NOS1AP: variants seen among roughly 807,000 people sequenced by gnomAD.
NOS1AP encodes the protein carboxyl-terminal PDZ ligand of neuronal nitric oxide synthase protein.
In NOS1AP, 21 loss-of-function variants were observed where a neutral mutation model predicts 56.2. That is an observed-to-expected ratio of 0.37 (90% CI 0.26 to 0.54). The LOEUF (loss-of-function observed/expected upper bound fraction) is 0.54, where lower values mean the gene tolerates loss of function less well. NOS1AP is among the 20% of genes least tolerant of loss of function. The pLI is 0.84. For synonymous variants in NOS1AP, 270 were observed against 274.6 expected, an observed-to-expected ratio of 0.98 and a Z score of 0.17; for missense variants, 522 against 657.8, an observed-to-expected ratio of 0.79 and a Z score of 2.26.
chr1:162,081,774 A>ATATATATATATATTTT, intron 1 of NOS1AP, among the ~76,000 whole-genome samples: 57 of 44,046 alleles, frequency 1.3e-3, no homozygotes, highest in African/African-American at 4.1e-3. Flanking sequence ...ATATATATAT[A>ATATATATATATATTTT]TTTTTTTTTT....
chr1:162,287,010 G>A (rs1310556058), intron 2 of NOS1AP, among the ~76,000 whole-genome samples: 1 of 152,204 alleles, frequency 6.6e-6, no homozygotes, highest in Non-Finnish European at 1.5e-5. Flanking sequence ...AGGAATACTT[G>A]CCTGACCGTG....
At chr1:162,163,241 G>T (rs1311842185) in intron 2 of NOS1AP, among the ~76,000 whole-genome samples, 1 of 151,878 alleles carries the variant, frequency 6.6e-6, no homozygotes, top group Non-Finnish European at 1.5e-5. Context: ...TTTAAAAGGG[G>T]CCCAGACTTT....
chr1:162,226,746 C>T (rs1253730565), intron 2 of NOS1AP, among the ~76,000 whole-genome samples: 5 of 152,176 alleles, frequency 3.3e-5, no homozygotes, highest in South Asian at 2.1e-4. Context: ...GTATGTCTTC[C>T]TAAGCTCTGC....
intron 2 of NOS1AP, among the ~76,000 whole-genome samples, chr1:162,255,490 ATTTTTTTTTT>A (rs35637289): frequency 0.016 from 985 of 61,110 alleles, 47 homozygotes; most frequent in South Asian, 0.042. Flanking sequence ...GCTGCTGCTG[ATTTTTTTTTT>A]TTTTTTTTTT....
chr1:162,091,259 C>T lies in NOS1AP; in HGVS notation c.105+20977C>T, dbSNP rs576043666. Among the ~76,000 whole-genome samples, 224 of 152,246 alleles carry T rather than the reference C, an allele frequency of 1.5e-3. 6 individuals carry two copies. Among genetic ancestry groups the T allele is most frequent in the South Asian group, 0.01 (49 of 4,814 alleles). On this transcript the variant is annotated intron_variant, in intron 1 of 9. Coordinates refer to ENST00000361897, the MANE Select transcript of NOS1AP (RefSeq NM_014697.3). ...TAGTGGCTTGAGTGCTCCAGCCCTTCGAACCTCCTGTGGGTCCCCTGTTGT... is the reference window on the plus strand; with the variant it reads ...TAGTGGCTTGAGTGCTCCAGCCCTTTGAACCTCCTGTGGGTCCCCTGTTGT...
intron 4 of NOS1AP, among the ~76,000 whole-genome samples, chr1:162,320,538 C>T (rs188747087): frequency 2.4e-4 from 36 of 152,202 alleles, no homozygotes; most frequent in African/African-American, 8.2e-4. Context: ...CCCACATTGC[C>T]AAAAGAAAGA....
At chr1:162,120,273 T>C (rs1648154999) in intron 1 of NOS1AP, among the ~76,000 whole-genome samples, 1 of 152,194 alleles carries the variant, frequency 6.6e-6, no homozygotes, top group Non-Finnish European at 1.5e-5. Flanking sequence ...CAATTTTATT[T>C]ATAATAATGA....
At chr1:162,284,324 A>T (rs1655025210) in intron 2 of NOS1AP, among the ~76,000 whole-genome samples, 1 of 152,126 alleles carries the variant, frequency 6.6e-6, no homozygotes, top group African/African-American at 2.4e-5. Context: ...GTTAATTTTA[A>T]TTTTTCTATT....
intron 2 of NOS1AP, among the ~76,000 whole-genome samples, chr1:162,164,529 G>A (rs115648726): frequency 0.034 from 5,129 of 152,054 alleles, 124 homozygotes; most frequent in Non-Finnish European, 0.049. Flanking sequence ...CTGTTTTCCC[G>A]TAGCCCTTGG....
At chr1:162,196,079 G>A (rs75263466) in intron 2 of NOS1AP, among the ~76,000 whole-genome samples, 201 of 152,348 alleles carry the variant, frequency 1.3e-3, no homozygotes, top group Non-Finnish European at 2.2e-3. Context: ...GAATGTGGGG[G>A]TTAAAGAACA....
chr1:162,110,309 T>TTTTTTTTTTTTTTTTTTG lies in NOS1AP; in HGVS notation c.105+40027_105+40028insTTTTTTTTTTTTTTTTTG, dbSNP rs1260546729. Among the ~76,000 whole-genome samples the TTTTTTTTTTTTTTTTTTG allele has an allele frequency of 4.6e-5, 7 of 151,362 alleles. No individual in the cohort carries two copies. The East Asian group carries it at 1.2e-3, about 25-fold the overall frequency. On this transcript the variant is annotated intron_variant, in intron 1 of 9. Transcript: ENST00000361897. The stretch of plus-strand genomic sequence containing the variant: ...ACATGTTCACCAGCCAAATAACTTT[T>TTTTTTTTTTTTTTTTTTG]AACATGCCCAAGGAAATGAACACAG...
intron 9 of NOS1AP, 166 bp from the exon 10 acceptor site, chr1:162,366,886 G>T (rs568373266): frequency 1.2e-5 from 9 of 763,474 alleles, no homozygotes; most frequent in Non-Finnish European, 1.2e-5. Context: ...GAGCTATGTG[G>T]GGGCGGGAGG....
chr1:162,343,926 G>T lies in NOS1AP; in HGVS notation c.545G>T (p.Gly182Val). The change falls in exon 6 of 10, where the codon GGC becomes GTC. Residue 182 changes from glycine to valine, a missense_variant. Physicochemically the swap from Gly to Val is moderately radical, Grantham distance 109. Transcript: ENST00000361897. ...SLQHTQQNADGQEDGESERNS... is the reference protein window; with the variant it reads ...SLQHTQQNADVQEDGESERNS... ...CAGCACACGCAGCAGAATGCAGATGGCCAGGAAGATGGAGAGAGCGAGAGG... is the reference window on the plus strand; with the variant it reads ...CAGCACACGCAGCAGAATGCAGATGTCCAGGAAGATGGAGAGAGCGAGAGG... 6.2e-7 allele frequency: 1 copy of T among 1,614,154 alleles called. No homozygotes were observed. Among genetic ancestry groups the T allele is most frequent in the Non-Finnish European group, 8.5e-7 (1 of 1,180,026 alleles).
chr1:162,196,805 C>G (rs1172769184), intron 2 of NOS1AP, among the ~76,000 whole-genome samples: 1 of 152,198 alleles, frequency 6.6e-6, no homozygotes, highest in Non-Finnish European at 1.5e-5. Flanking sequence ...TTGGGGGGAA[C>G]AGACTGCCTG....
intron 2 of NOS1AP, among the ~76,000 whole-genome samples, chr1:162,248,573 G>C (rs545145549): frequency 5.3e-5 from 8 of 152,258 alleles, no homozygotes; most frequent in African/African-American, 1.7e-4. Flanking sequence ...CAGAGGAGAG[G>C]GGGCAGAGAG....
intron 2 of NOS1AP, among the ~76,000 whole-genome samples, chr1:162,266,313 C>T (rs554922947): frequency 6.6e-6 from 1 of 152,168 alleles, no homozygotes; most frequent in South Asian, 2.1e-4. Flanking sequence ...ATTGAGTAAA[C>T]AAGTGAAAAG....
chr1:162,228,043 TA>T (rs1186762527), intron 2 of NOS1AP, among the ~76,000 whole-genome samples: 1 of 151,850 alleles, frequency 6.6e-6, no homozygotes, highest in Admixed American at 6.6e-5. Flanking sequence ...AAATGAAAAA[TA>T]TAGGACTGAG....
At chr1:162,201,256 G>A (rs1391724929) in intron 2 of NOS1AP, among the ~76,000 whole-genome samples, 2 of 152,132 alleles carry the variant, frequency 1.3e-5, no homozygotes, top group Admixed American at 6.5e-5. Context: ...TTTTATGGCT[G>A]CATAGTATTC....
chr1:162,360,193 TG>T (rs1396149384), intron 8 of NOS1AP, among the ~76,000 whole-genome samples: 1 of 152,162 alleles, frequency 6.6e-6, no homozygotes, highest in African/African-American at 2.4e-5. Context: ...TAAAGGTATA[TG>T]GGCAAAGGTG....
Sources: allele counts gnomAD v4.1 joint callset (sites outside exome capture counted in the v4.1 genomes callset), GRCh38; gene constraint gnomAD v4.1.1; transcripts MANE v1.5; gene names NCBI Gene and HGNC (gene_info 2026-07-23, HGNC 2026-07-21).